The following TNFRSF1B variants were observed in gnomAD, a reference collection of about 807,000 sequenced individuals.
TNFRSF1B encodes TNF receptor superfamily member 1B.
Under a neutral mutation model 44.6 loss-of-function variants are expected in TNFRSF1B, and 19 were observed. That is an observed-to-expected ratio of 0.43 (90% confidence interval 0.30 to 0.62). The LOEUF (loss-of-function observed/expected upper bound fraction) is 0.62, where lower values mean the gene tolerates loss of function less well. Ranked by LOEUF, TNFRSF1B falls within the 20% of genes least tolerant of loss-of-function variation. The pLI is 0.16. For missense variants in TNFRSF1B, 541 were observed against 619.9 expected (o/e 0.87, Z 1.35); for synonymous variants, 252 against 261.1 (o/e 0.97, Z 0.34).
Position 12,191,028 on chromosome 1 carries a change from A to G in TNFRSF1B, c.250A>G (p.Thr84Ala), listed in dbSNP as rs777359200. ...VCDSCEDSTYTQLWNWVPECL... is the reference protein window; with the variant it reads ...VCDSCEDSTYAQLWNWVPECL... ...TGACTCCTGTGAGGACAGCACATAC[A>G]CCCAGCTCTGGAACTGGGTTCCCGA... The change falls in exon 3 of 10, where the codon ACC becomes GCC. Residue 84 changes from threonine to alanine, a missense_variant. Coordinates refer to ENST00000376259, the MANE Select transcript of TNFRSF1B (RefSeq NM_001066.3). 3 of 1,613,436 alleles carry G rather than the reference A, an allele frequency of 1.9e-6. No individual in the cohort carries two copies. Among genetic ancestry groups the G allele is most frequent in the Non-Finnish European group, 1.7e-6 (2 of 1,179,452 alleles).
At chr1:12,206,674 G>T in intron 9 of TNFRSF1B, 66 bp from the exon 10 acceptor site, 1 of 1,477,218 alleles carries the variant, frequency 6.8e-7, no homozygotes. Flanking sequence ...TGCATCTTGG[G>T]CAGGGGTCCC....
At chr1:12,201,938 C>A (rs371881140) in intron 8 of TNFRSF1B, 29 bp from the exon 9 acceptor site, 1 of 1,563,408 alleles carries the variant, frequency 6.4e-7, no homozygotes, top group Non-Finnish European at 8.7e-7. Context: ...GGGCTGACTG[C>A]TCTCCCCTAC....
chr1:12,190,849 C>T, intron 2 of TNFRSF1B, 108 bp from the exon 3 acceptor site: 1 of 1,353,506 alleles, frequency 7.4e-7, no homozygotes, highest in Non-Finnish European at 1.0e-6. Flanking sequence ...CACAGAATAG[C>T]CTTCCCAGCT....
In TNFRSF1B at chr1:12,170,156, C is replaced by A. The variant is rs971200829; in HGVS notation, c.78+2987C>A. 2.0e-5 allele frequency among the ~76,000 whole-genome samples: 3 copies of A among 151,448 alleles called. No homozygotes were observed. The East Asian group carries it at 5.8e-4, about 29-fold the overall frequency. On this transcript the variant is annotated intron_variant, in intron 1 of 9. Coordinates refer to ENST00000376259, the MANE Select transcript of TNFRSF1B (RefSeq NM_001066.3). Reference sequence around the variant, plus strand: ...CTTCAGAGGGCAATGGGTAGGTGGCCAGGCACCCTGAGGCAGGGCCATTCA... The same window carrying A: ...CTTCAGAGGGCAATGGGTAGGTGGCAAGGCACCCTGAGGCAGGGCCATTCA...
rs1052463779 is a variant in TNFRSF1B at position 12,169,612 on chromosome 1, C to T, written c.78+2443C>T. ...CTCAGGATGGAAGTCAACTGAGCTG[C>T]AGAAGAAGCCCCCAGGAGACCTGAG... is the stretch of plus-strand genomic sequence containing the variant. On this transcript the variant is annotated intron_variant, in intron 1 of 9. Transcript: ENST00000376259. This position sits in a 1 kb window ranked among gnomAD's most constrained non-coding sequence, Gnocchi z 4.5. Among the ~76,000 whole-genome samples, 2 of 152,246 alleles carry T rather than the reference C, an allele frequency of 1.3e-5. No individual in the cohort carries two copies. The highest frequency in any genetic ancestry group is 2.9e-5 in the Non-Finnish European group (2 of 68,044).
At chr1:12,179,876 G>T (rs1027873286) in intron 1 of TNFRSF1B, among the ~76,000 whole-genome samples, 4 of 152,168 alleles carry the variant, frequency 2.6e-5, no homozygotes, top group African/African-American at 9.7e-5. Context: ...TAAAGAGAAG[G>T]TATATGAACG....
intron 2 of TNFRSF1B, among the ~76,000 whole-genome samples, chr1:12,190,669 C>T (rs930618715): frequency 6.6e-6 from 1 of 152,044 alleles, no homozygotes; most frequent in African/African-American, 2.4e-5. Context: ...AAGAAACTGG[C>T]AAGCTAGTTC....
At chr1:12,196,729 C>T (rs889617139) in intron 8 of TNFRSF1B, among the ~76,000 whole-genome samples, 1 of 152,182 alleles carries the variant, frequency 6.6e-6, no homozygotes, top group Non-Finnish European at 1.5e-5. Context: ...TCTCATTCCC[C>T]GGCGAGCGAG....
Position 12,177,794 on chromosome 1 carries a change from CAAAA to C in TNFRSF1B, c.78+10638_78+10641del, listed in dbSNP as rs113097991. Among the ~76,000 whole-genome samples, 4 of 111,374 alleles carry C rather than the reference CAAAA, an allele frequency of 3.6e-5. No individual in the cohort carries two copies. Among genetic ancestry groups the C allele is most frequent in the Non-Finnish European group, 3.9e-5 (2 of 51,370 alleles). The allele number at this position is 111,374 out of a possible 152,430, so 73.1% of individuals were successfully genotyped here. A position where few individuals can be genotyped will look rare whatever the true frequency, so the allele number is the denominator to read the frequency against. On this transcript the variant is annotated intron_variant, in intron 1 of 9. Coordinates refer to ENST00000376259, the MANE Select transcript of TNFRSF1B (RefSeq NM_001066.3). This position sits in a 1 kb window ranked among gnomAD's most constrained non-coding sequence, Gnocchi z 4.3. ...GGGTGACAGGGTGAGATTCTGTCTC[CAAAA>C]AAAAAAAAAAAAGAAGAGCTGACAT... is the stretch of plus-strand genomic sequence containing the variant.
Position 12,201,985 on chromosome 1 carries a change from A to G in TNFRSF1B, c.919A>G (p.Lys307Glu), listed in dbSNP as rs199931640. ...CATCCAGCCTCACTTGCCTGCCGAT[A>G]AGGCCCGGGGTACACAGGGCCCCGA... ...EAKVPHLPAD[K>E]ARGTQGPEQQ... Residue 307 changes from lysine (K) to glutamate (E), a missense_variant, in exon 9 of 10, where the codon AAG becomes GAG. By Grantham distance (56) the Lys-to-Glu change is moderately conservative. Transcript: ENST00000376259. The G allele has an allele frequency of 1.3e-4, 209 of 1,611,132 alleles. 1 individual carries two copies. The East Asian group carries it at 4.1e-3, about 32-fold the overall frequency.
At chr1:12,174,160 T>TCTTCTTCTTCTCCTTCTCCTTCTC (rs1553162433) in intron 1 of TNFRSF1B, among the ~76,000 whole-genome samples, 1 of 67,918 alleles carries the variant, frequency 1.5e-5, no homozygotes. Context: ...TTCTTCTTCT[T>TCTTCTTCTTCTCCTTCTCCTTCTC]CTTCTCCTTC....
At position 12,194,598 on chromosome 1, in the gene TNFRSF1B, C is replaced by T; in HGVS notation, c.880C>T (p.Leu294=). The change falls in exon 8 of 10, where the codon CTG becomes TTG. Residue 294 remains leucine (L), a synonymous_variant. Coordinates refer to ENST00000376259, the MANE Select transcript of TNFRSF1B (RefSeq NM_001066.3). ...CCTCTTTATAGAGAAGCCCTTGTGCCTGCAGAGAGAAGCCAAGGTGGTGAG... is the reference window on the plus strand; with the variant it reads ...CCTCTTTATAGAGAAGCCCTTGTGCTTGCAGAGAGAAGCCAAGGTGGTGAG... ...MTQVKKKPLC[L]QREAKVPHLP... 6.2e-7 allele frequency: 1 copy of T among 1,614,194 alleles called. No homozygotes were observed.
At position 12,178,188 on chromosome 1, in the gene TNFRSF1B, A is replaced by G. The variant is rs1407381781; in HGVS notation, c.79-10608A>G. Among the ~76,000 whole-genome samples, 3 of 152,226 alleles carry G rather than the reference A, an allele frequency of 2.0e-5. No individual in the cohort carries two copies. Among genetic ancestry groups the G allele is most frequent in the Admixed American group, 6.5e-5 (1 of 15,288 alleles). On this transcript the variant is annotated intron_variant, in intron 1 of 9. Coordinates refer to ENST00000376259, the MANE Select transcript of TNFRSF1B (RefSeq NM_001066.3). This position sits in a 1 kb window ranked among gnomAD's most constrained non-coding sequence, Gnocchi z 4.3. The stretch of plus-strand genomic sequence containing the variant: ...CCTGCCCATTTCTCATGCTAGCTCC[A>G]GCTCATTTCAACTAATTGAAAATTA...
At chr1:12,197,935 C>A (rs558360868) in intron 8 of TNFRSF1B, among the ~76,000 whole-genome samples, 1 of 152,094 alleles carries the variant, frequency 6.6e-6, no homozygotes, top group Admixed American at 6.6e-5. Flanking sequence ...ACCATCCTGG[C>A]TAACACAGTG....
chr1:12,192,727 G>A, intron 5 of TNFRSF1B, 136 bp from the exon 6 acceptor site: 2 of 860,030 alleles, frequency 2.3e-6, no homozygotes, highest in Admixed American at 4.3e-5. Context: ...GTGGGGGAGG[G>A]CTAGGAGGGG....
At chr1:12,197,211 G>A (rs1191226781) in intron 8 of TNFRSF1B, among the ~76,000 whole-genome samples, 1 of 152,138 alleles carries the variant, frequency 6.6e-6, no homozygotes, top group African/African-American at 2.4e-5. Context: ...GTCTCCCAAA[G>A]TACTGGGATG....
intron 1 of TNFRSF1B, among the ~76,000 whole-genome samples, chr1:12,184,428 G>A (rs1638931605): frequency 6.6e-6 from 1 of 152,142 alleles, no homozygotes; most frequent in Admixed American, 6.5e-5. Context: ...GCTACTGGGG[G>A]CTGGAGGCTC....
intron 1 of TNFRSF1B, among the ~76,000 whole-genome samples, chr1:12,181,573 G>T (rs1035138775): frequency 6.6e-6 from 1 of 152,110 alleles, no homozygotes; most frequent in Non-Finnish European, 1.5e-5. Flanking sequence ...AGCATGCCAC[G>T]CACCTCTCCA....
At chr1:12,196,360 C>T (rs1639264635) in intron 8 of TNFRSF1B, among the ~76,000 whole-genome samples, 1 of 152,132 alleles carries the variant, frequency 6.6e-6, no homozygotes, top group Admixed American at 6.6e-5. Flanking sequence ...TGGGGGCTGT[C>T]CCGTGCTATT....
Sources: gnomAD v4.1 joint callset for allele counts (sites outside exome capture counted in the v4.1 genomes callset) on GRCh38, gnomAD v4.1.1 for gene constraint, Gnocchi (gnomAD v3.1) non-coding constraint, MANE v1.5 for transcripts, NCBI Gene and HGNC (gene_info 2026-07-23, HGNC 2026-07-21) for gene names.